GMDS: variants seen among roughly 807,000 people sequenced by gnomAD.
GMDS encodes GDP-mannose 4,6-dehydratase.
In GMDS, 20 loss-of-function variants were observed where a neutral mutation model predicts 49.9. The observed-to-expected ratio is 0.40, with a 90% CI of 0.28 to 0.58. The LOEUF (loss-of-function observed/expected upper bound fraction) is 0.58. GMDS is among the 20% of genes least tolerant of loss of function. GMDS has a pLI of 0.42. For missense variants in GMDS, 362 were observed against 481.4 expected (o/e 0.75, Z 2.32); for synonymous variants, 177 against 178.6 (o/e 0.99, Z 0.07).
chr6:2,068,032 A>G (rs1364974988), intron 4 of GMDS, among the ~76,000 whole-genome samples: 1 of 149,798 alleles, frequency 6.7e-6, no homozygotes, highest in East Asian at 2.0e-4. Flanking sequence ...TACTGGCAAA[A>G]CGAATCCAGC....
At chr6:1,972,995 G>A (rs577649913) in intron 4 of GMDS, among the ~76,000 whole-genome samples, 12 of 152,152 alleles carry the variant, frequency 7.9e-5, no homozygotes, top group African/African-American at 2.7e-4. Flanking sequence ...AGGTTAAAAC[G>A]TCCCCTGTAA....
intron 4 of GMDS, among the ~76,000 whole-genome samples, chr6:1,997,018 G>A (rs1766324412): frequency 6.6e-6 from 1 of 151,906 alleles, no homozygotes; most frequent in African/African-American, 2.4e-5. Context: ...CTTGGTGAGA[G>A]GAGGGAACGG....
At chr6:1,938,999 C>CCTCTT (rs1389173358) in intron 6 of GMDS, among the ~76,000 whole-genome samples, 1 of 133,292 alleles carries the variant, frequency 7.5e-6, no homozygotes, top group Non-Finnish European at 1.6e-5. Context: ...CCTCTCCTCT[C>CCTCTT]CTCTTCTCTT....
intron 1 of GMDS, among the ~76,000 whole-genome samples, chr6:2,188,119 G>T (rs1423077044): frequency 2.6e-5 from 4 of 152,168 alleles, no homozygotes; most frequent in Admixed American, 6.5e-5. Context: ...ATCACTGGGG[G>T]CAACATGCCC....
At chr6:2,185,995 CAT>C (rs200560983) in intron 1 of GMDS, among the ~76,000 whole-genome samples, 8 of 145,314 alleles carry the variant, frequency 5.5e-5, no homozygotes, top group Admixed American at 1.3e-4. Flanking sequence ...AATAAGTTAA[CAT>C]ATATTTATTA....
chr6:1,709,271 T>C (rs1018962644), intron 9 of GMDS, among the ~76,000 whole-genome samples: 4 of 152,276 alleles, frequency 2.6e-5, no homozygotes, highest in South Asian at 4.1e-4. Flanking sequence ...CAGCTGTCCT[T>C]AGAGGCTAAT....
At chr6:2,093,488 G>A (rs867039551) in intron 4 of GMDS, among the ~76,000 whole-genome samples, 1 of 152,094 alleles carries the variant, frequency 6.6e-6, no homozygotes, top group African/African-American at 2.4e-5. Context: ...GTTAATGACT[G>A]CAATAGTACC....
chr6:2,051,818 G>A (rs1291954343), intron 4 of GMDS, among the ~76,000 whole-genome samples: 1 of 152,088 alleles, frequency 6.6e-6, no homozygotes, highest in African/African-American at 2.4e-5. Context: ...CTTCTAGCAG[G>A]TATTAAGAAA....
At chr6:2,092,156 G>T (rs1327697951) in intron 4 of GMDS, among the ~76,000 whole-genome samples, 6 of 152,182 alleles carry the variant, frequency 3.9e-5, no homozygotes, top group African/African-American at 1.2e-4. Context: ...AGTTGTTTGT[G>T]GATGGAATGA....
intron 1 of GMDS, among the ~76,000 whole-genome samples, chr6:2,227,990 C>G (rs1780895516): frequency 6.6e-6 from 1 of 152,232 alleles, no homozygotes; most frequent in Admixed American, 6.5e-5. Context: ...CAAGCCTGTG[C>G]TGGGTCTACG....
Position 2,245,425 on chromosome 6 carries a change from C to G in GMDS, c.-3G>C. The G allele has an allele frequency of 6.8e-7, 1 of 1,475,964 alleles. No individual in the cohort carries two copies. The highest frequency in any genetic ancestry group is 8.9e-7 in the Non-Finnish European group (1 of 1,120,000). The allele number at this position is 1,475,964 out of a possible 1,614,324, so 91.4% of individuals were successfully genotyped here. On this transcript the variant is annotated 5_prime_UTR_variant, in exon 1 of 11. Transcript: ENST00000380815. ...CAGCGTGCCGGTGCGTGTGCCATGT[C>G]CCGCGGCGGGCGTGCGGTCGGCGGC...
In GMDS at chr6:1,916,710, C is replaced by A. The variant is rs368862816; in HGVS notation, c.771+13393G>T. ...TACCACGCGCAATTAAACAAGCAAA[C>A]CCACAATTCATTAGGGATAATTTTA... is the stretch of plus-strand genomic sequence containing the variant. On this transcript the variant is annotated intron_variant, in intron 7 of 10. Transcript: ENST00000380815. 2.7e-3 allele frequency among the ~76,000 whole-genome samples: 417 copies of A among 152,206 alleles called. 2 individuals carry two copies. The highest frequency in any genetic ancestry group is 9.2e-3 in the African/African-American group (384 of 41,514).
At chr6:1,752,219 A>G (rs1767763364) in intron 7 of GMDS, among the ~76,000 whole-genome samples, 1 of 152,222 alleles carries the variant, frequency 6.6e-6, no homozygotes, top group African/African-American at 2.4e-5. Flanking sequence ...AAAACACAGC[A>G]TGAGAACTTC....
At chr6:1,847,171 T>C (rs1284887598) in intron 7 of GMDS, among the ~76,000 whole-genome samples, 1 of 151,964 alleles carries the variant, frequency 6.6e-6, no homozygotes, top group Non-Finnish European at 1.5e-5. Context: ...TCCTCCTGCC[T>C]AAACCTCCCT....
In GMDS at chr6:1,624,139, C is replaced by CGGAGGG. The variant is rs750198844; in HGVS notation, c.*24_*29dup. ...CCGGAGACTCTGCGGGGATTGTAGC[C>CGGAGGG]GGAGGGCGGGCCGGGCTCCGAGGCG... On this transcript the variant is annotated 3_prime_UTR_variant, in exon 11 of 11. Transcript: ENST00000380815. 7.5e-6 allele frequency: 12 copies of CGGAGGG among 1,597,180 alleles called. No individual in the cohort carries two copies. Among genetic ancestry groups the CGGAGGG allele is most frequent in the South Asian group, 1.1e-5 (1 of 90,912 alleles).
At chr6:1,624,297 G>T in intron 10 of GMDS, 66 bp from the exon 11 acceptor site, 1 of 1,481,812 alleles carries the variant, frequency 6.7e-7, no homozygotes, top group Non-Finnish European at 9.4e-7. Flanking sequence ...ACCCCACCCC[G>T]GGTGTCGGCC....
At chr6:2,131,394 G>T (rs1320068798) in intron 1 of GMDS, among the ~76,000 whole-genome samples, 2 of 151,954 alleles carry the variant, frequency 1.3e-5, no homozygotes, top group Non-Finnish European at 2.9e-5. Flanking sequence ...CACACACACA[G>T]ATACTCCAAT....
intron 7 of GMDS, among the ~76,000 whole-genome samples, chr6:1,860,185 A>G (rs1432440092): frequency 1.3e-5 from 2 of 152,250 alleles, no homozygotes; most frequent in African/African-American, 4.8e-5. Context: ...TTAAGAATAC[A>G]TATAAATGTG....
intron 9 of GMDS, among the ~76,000 whole-genome samples, chr6:1,646,672 C>G (rs575320724): frequency 2.4e-4 from 36 of 152,338 alleles, no homozygotes; most frequent in Middle Eastern, 3.4e-3. Flanking sequence ...TCATGAGCCA[C>G]TATGCCCAGC....
Sources: gnomAD v4.1 joint callset for allele counts (sites outside exome capture counted in the v4.1 genomes callset) on GRCh38, gnomAD v4.1.1 for gene constraint, MANE v1.5 for transcripts, NCBI Gene and HGNC (gene_info 2026-07-23, HGNC 2026-07-21) for gene names.